RADX: variants seen among roughly 807,000 people sequenced by gnomAD.
RADX encodes the protein RPA-related protein RADX.
In RADX, 36 loss-of-function variants were observed where a neutral mutation model predicts 61.6. That is an observed-to-expected ratio of 0.58 (90% CI 0.45 to 0.77). The LOEUF is 0.77. Ranked by LOEUF, RADX falls within the 30% of genes least tolerant of loss-of-function variation. The probability of loss-of-function intolerance (pLI) is 0.00; values close to 1 mark genes in which losing one functional copy is unlikely to be tolerated. For synonymous variants in RADX, 272 were observed against 237.9 expected (o/e 1.14, Z -1.32); for missense variants, 497 against 651.1 (o/e 0.76, Z 2.58).
intron 11 of RADX, among the ~76,000 whole-genome samples, chrX:106,654,868 A>G (rs1264993052): frequency 8.9e-6 from 1 of 111,935 alleles, no homozygotes; most frequent in Non-Finnish European, 1.9e-5. Flanking sequence ...ACAAAAGGCT[A>G]ATATCCAGAA....
intron 13 of RADX, among the ~76,000 whole-genome samples, chrX:106,677,332 G>A (rs1036170215): frequency 1.8e-5 from 2 of 111,711 alleles, no homozygotes; most frequent in African/African-American, 6.5e-5. Flanking sequence ...TACCCACCGT[G>A]TAGCAGTTTA....
intron 11 of RADX, among the ~76,000 whole-genome samples, chrX:106,657,872 G>A (rs1226972032): frequency 9.0e-6 from 1 of 111,401 alleles, no homozygotes; most frequent in South Asian, 3.7e-4. Flanking sequence ...TTGAAATATT[G>A]TGATAATTAC....
intron 2 of RADX, among the ~76,000 whole-genome samples, chrX:106,623,965 CTT>C (rs1235482235): frequency 5.4e-5 from 6 of 111,376 alleles, no homozygotes; most frequent in Middle Eastern, 4.7e-3. Context: ...CTTCCTACCT[CTT>C]TGTGCCTCCA....
intron 1 of RADX, among the ~76,000 whole-genome samples, chrX:106,616,241 T>C (rs1165759839): frequency 8.9e-6 from 1 of 111,838 alleles, no homozygotes; most frequent in Non-Finnish European, 1.9e-5. Context: ...GTAATCTATG[T>C]TTTTTGACCT....
intron 1 of RADX, among the ~76,000 whole-genome samples, chrX:106,612,986 A>G (rs1926716633): frequency 8.9e-6 from 1 of 111,748 alleles, no homozygotes; most frequent in Non-Finnish European, 1.9e-5. Flanking sequence ...CTTAAAATTC[A>G]GTCTGGCAAA....
chrX:106,665,775 T>C (rs1432206599), intron 12 of RADX, among the ~76,000 whole-genome samples: 1 of 112,173 alleles, frequency 8.9e-6, no homozygotes, highest in Non-Finnish European at 1.9e-5. Context: ...AAAAATGTTA[T>C]TTGGACCACA....
rs1569424931 is a variant in RADX at position 106,636,595 on chromosome X, A to G, written c.1356A>G (p.Val452=). 2 of 1,204,603 alleles carry G rather than the reference A, an allele frequency of 1.7e-6. No homozygotes were observed. Among genetic ancestry groups the G allele is most frequent in the Admixed American group, 2.2e-5 (1 of 45,920 alleles). ...AAGTTGTCAGAAATGACAATCAAGT[A>G]CCTAAGCTGCTTTACCTCACCACTA... ...QLKVVRNDNQ[V]PKLLYLTTTN... Residue 452 remains valine (V), a synonymous_variant, in exon 7 of 14, where the codon GTA becomes GTG. Coordinates refer to ENST00000372548, the MANE Select transcript of RADX (RefSeq NM_018015.6).
At chrX:106,639,481 C>T (rs757519563) in intron 8 of RADX, 46 bp from the exon 9 acceptor site, 1 of 1,002,194 alleles carries the variant, frequency 1.0e-6, no homozygotes, top group Admixed American at 3.3e-5. Context: ...TTATTTTTAT[C>T]ATTTCAGTTC....
intron 7 of RADX, 34 bp downstream of exon 7, chrX:106,636,681 A>G: frequency 1.2e-6 from 1 of 814,362 alleles, no homozygotes; most frequent in Middle Eastern, 4.1e-4. Flanking sequence ...TATTAGAAAT[A>G]TATTTTCTCT....
chrX:106,670,854 T>A (rs1218329402), intron 13 of RADX, among the ~76,000 whole-genome samples: 2 of 110,967 alleles, frequency 1.8e-5, no homozygotes, highest in Non-Finnish European at 3.8e-5. Context: ...ACTTTTTCTT[T>A]CCTTTCATGA....
intron 6 of RADX, among the ~76,000 whole-genome samples, chrX:106,636,334 T>A (rs1371250362): frequency 8.9e-6 from 1 of 111,836 alleles, no homozygotes; most frequent in Non-Finnish European, 1.9e-5. Flanking sequence ...GTCCCAGGAC[T>A]GGCAGCACTA....
chrX:106,633,302 A>T (rs1440211898), intron 6 of RADX, 50 bp downstream of exon 6: 1 of 1,083,588 alleles, frequency 9.2e-7, no homozygotes, highest in Admixed American at 2.4e-5. Context: ...AGGAGAATTA[A>T]CTTTAAAAAT....
chrX:106,648,936 A>G (rs1422030292), intron 11 of RADX, among the ~76,000 whole-genome samples: 2 of 111,081 alleles, frequency 1.8e-5, no homozygotes, highest in Non-Finnish European at 3.8e-5. Context: ...CAAAAGTGAT[A>G]CTGTCATTTT....
chrX:106,623,942 G>C (rs930162232), intron 2 of RADX, among the ~76,000 whole-genome samples: 1 of 110,489 alleles, frequency 9.1e-6, no homozygotes, highest in South Asian at 3.8e-4. Context: ...TTTTAACTCC[G>C]CTTATTTGTT....
At chrX:106,640,323 T>A in intron 9 of RADX, 2 of 295,773 alleles carry the variant, frequency 6.8e-6, no homozygotes, top group Non-Finnish European at 1.2e-5. Context: ...AAGTGTTTAA[T>A]CCAGCTTTTC....
chrX:106,667,545 G>A (rs1158823327), intron 12 of RADX, among the ~76,000 whole-genome samples: 5 of 109,503 alleles, frequency 4.6e-5, no homozygotes, highest in Non-Finnish European at 7.6e-5. Context: ...GGCTGGTCTC[G>A]AACTCCTGGA....
intron 10 of RADX, 79 bp downstream of exon 10, chrX:106,640,800 C>T: frequency 1.4e-6 from 1 of 692,554 alleles, no homozygotes; most frequent in Non-Finnish European, 2.1e-6. Flanking sequence ...AAGCAATTAT[C>T]GTAGAAGCTG....
intron 13 of RADX, among the ~76,000 whole-genome samples, chrX:106,671,870 T>C (rs1447408705): frequency 8.9e-6 from 1 of 112,089 alleles, no homozygotes; most frequent in Admixed American, 9.5e-5. Context: ...TAAGTTCTCT[T>C]TGCATATTAA....
At position 106,678,811 on chromosome X, in the gene RADX, G is replaced by A. The variant is rs892464954; in HGVS notation, c.*553G>A. 5 of 111,848 alleles carry A rather than the reference G, an allele frequency of 4.5e-5. No individual in the cohort carries two copies. The highest frequency in any genetic ancestry group is 7.5e-5 in the Non-Finnish European group (4 of 53,107). 9.2% of individuals were successfully genotyped at this position (111,848 alleles called of 1,213,427 possible). On this transcript the variant is annotated 3_prime_UTR_variant, in exon 14 of 14. Transcript: ENST00000372548. ...TAGCTTGCTCAGCTGCAAAATAAGC[G>A]TGCTAAATTAAATTGTCTTAAGGTT...
Sources: allele counts gnomAD v4.1 joint callset (sites outside exome capture counted in the v4.1 genomes callset), GRCh38; gene constraint gnomAD v4.1.1; transcripts MANE v1.5; gene names NCBI Gene and HGNC (gene_info 2026-07-23, HGNC 2026-07-21).